GPHN: variants seen among roughly 807,000 people sequenced by gnomAD.
GPHN encodes gephyrin.
In GPHN, 17 loss-of-function variants were observed where a neutral mutation model predicts 95.5. The ratio of observed to expected loss-of-function variants is 0.18; its 90% CI spans 0.12 to 0.27. GPHN has a LOEUF of 0.27. GPHN is among the 10% of genes least tolerant of loss of function. GPHN has a pLI of 1.00. For synonymous variants in GPHN, 320 were observed against 322.5 expected (o/e 0.99, Z 0.08); for missense variants, 660 against 978.1 (o/e 0.67, Z 4.34).
the GPHN span, among the ~76,000 whole-genome samples, chr14:67,420,289 C>T: frequency 1.3e-5 from 2 of 152,210 alleles, no homozygotes; most frequent in Non-Finnish European, 2.9e-5. Flanking sequence ...CACCCAGCTC[C>T]GCCTCTGGGA....
intron 13 of GPHN, among the ~76,000 whole-genome samples, chr14:67,108,119 G>A (rs962916675): frequency 6.6e-6 from 1 of 152,192 alleles, no homozygotes; most frequent in Non-Finnish European, 1.5e-5. Flanking sequence ...CCAGGAGCTA[G>A]CAACAGTGAG....
At chr14:66,784,136 T>A (rs2059694668) in intron 3 of GPHN, among the ~76,000 whole-genome samples, 1 of 152,062 alleles carries the variant, frequency 6.6e-6, no homozygotes, top group Non-Finnish European at 1.5e-5. Flanking sequence ...TGAATTCTCT[T>A]TAAAAATGAA....
At chr14:67,383,253 T>C in the GPHN span, 37 of 1,557,992 alleles carry the variant, frequency 2.4e-5, no homozygotes, top group Non-Finnish European at 3.1e-5. Flanking sequence ...AGTAATAGTA[T>C]TGAAATTAAA....
At chr14:66,850,874 T>G (rs1425879987) in intron 4 of GPHN, among the ~76,000 whole-genome samples, 2 of 152,204 alleles carry the variant, frequency 1.3e-5, no homozygotes, top group East Asian at 1.9e-4. Flanking sequence ...TCTAGATTTT[T>G]TAAAGGATAA....
Position 67,114,483 on chromosome 14 carries a change from G to A in GPHN, c.1626+1312G>A, listed in dbSNP as rs567805081. 3.6e-4 allele frequency among the ~76,000 whole-genome samples: 55 copies of A among 152,214 alleles called. No individual in the cohort carries two copies. The Middle Eastern group carries it at 0.02, about 56-fold the overall frequency. ...AAGCAGGGGGATCAATTGAGGCTAG[G>A]AGTTCAAAACCAGCCTGGGCAACAT... On this transcript the variant is annotated intron_variant, in intron 16 of 22. Coordinates refer to ENST00000478722, the MANE Select transcript of GPHN (RefSeq NM_020806.5).
intron 3 of GPHN, among the ~76,000 whole-genome samples, chr14:66,786,630 G>C (rs1319521989): frequency 6.6e-6 from 1 of 152,000 alleles, no homozygotes; most frequent in Non-Finnish European, 1.5e-5. Context: ...CCTCAATAAA[G>C]TATTATCAAT....
chr14:66,761,112 C>T (rs1254134274), intron 2 of GPHN: 3 of 363,750 alleles, frequency 8.2e-6, no homozygotes, highest in South Asian at 4.6e-5. Context: ...ACATAGGTCA[C>T]TTAAATGAAA....
chr14:67,649,842 C>T, the GPHN span: 1 of 152,248 alleles, frequency 6.6e-6, no homozygotes, highest in African/African-American at 2.4e-5. Flanking sequence ...TTCCTGAATA[C>T]TAGCTTGTTC....
At chr14:66,523,906 T>C (rs772448320) in intron 1 of GPHN, among the ~76,000 whole-genome samples, 31 of 152,244 alleles carry the variant, frequency 2.0e-4, no homozygotes, top group Non-Finnish European at 3.7e-4. Flanking sequence ...ATCATTAAGG[T>C]TCAATACTGA....
At chr14:66,995,142 C>A (rs1368657341) in intron 9 of GPHN, among the ~76,000 whole-genome samples, 1 of 152,160 alleles carries the variant, frequency 6.6e-6, no homozygotes. Flanking sequence ...TACTTAACAA[C>A]TTCATCTTAC....
intron 1 of GPHN, among the ~76,000 whole-genome samples, chr14:66,518,995 CAAAG>C (rs1031783289): frequency 5.3e-5 from 8 of 151,670 alleles, no homozygotes; most frequent in African/African-American, 1.9e-4. Context: ...GTTCTCAACA[CAAAG>C]AAATGATAAA....
chr14:67,594,993 C>T, the GPHN span, among the ~76,000 whole-genome samples: 1 of 151,660 alleles, frequency 6.6e-6, no homozygotes, highest in Non-Finnish European at 1.5e-5. Context: ...AAAAGTTAGC[C>T]GGGCGTAGTG....
intron 8 of GPHN, among the ~76,000 whole-genome samples, chr14:66,946,322 G>A (rs1282753908): frequency 6.6e-6 from 1 of 152,160 alleles, no homozygotes; most frequent in African/African-American, 2.4e-5. Flanking sequence ...GGCAGATGAT[G>A]TAGATCCTAG....
chr14:66,970,729 TATGACA>T, intron 9 of GPHN, among the ~76,000 whole-genome samples: 1 of 152,308 alleles, frequency 6.6e-6, no homozygotes, highest in East Asian at 1.9e-4. Flanking sequence ...TCAACATTGG[TATGACA>T]ATATGTTCAG....
At chr14:67,235,090 A>G in the GPHN span, among the ~76,000 whole-genome samples, 1 of 151,454 alleles carries the variant, frequency 6.6e-6, no homozygotes, top group South Asian at 2.1e-4. Flanking sequence ...CAGCAGGGAG[A>G]GGTTGCAGTG....
chr14:67,262,626 C>T, the GPHN span, among the ~76,000 whole-genome samples: 1 of 152,134 alleles, frequency 6.6e-6, no homozygotes, highest in Admixed American at 6.5e-5. Context: ...CCCTAGTCAA[C>T]TCTGGTTACA....
chr14:67,542,787 G>A, the GPHN span, among the ~76,000 whole-genome samples: 2 of 152,094 alleles, frequency 1.3e-5, no homozygotes, highest in Non-Finnish European at 2.9e-5. Flanking sequence ...CACAATCTCC[G>A]CCTCCTGGGC....
chr14:67,330,022 G>A, the GPHN span, among the ~76,000 whole-genome samples: 2 of 150,992 alleles, frequency 1.3e-5, no homozygotes, highest in Admixed American at 6.6e-5. Flanking sequence ...TTTCTTGTAT[G>A]TATTGTTAAA....
the GPHN span, chr14:67,572,402 G>C: frequency 9.8e-5 from 54 of 551,678 alleles, no homozygotes; most frequent in Middle Eastern, 5.5e-4. Flanking sequence ...GGGGATGGGG[G>C]CAGGGGGCGT....
Sources: gnomAD v4.1 joint callset for allele counts (sites outside exome capture counted in the v4.1 genomes callset) on GRCh38, gnomAD v4.1.1 for gene constraint, MANE v1.5 for transcripts, NCBI Gene and HGNC (gene_info 2026-07-23, HGNC 2026-07-21) for gene names.